PTPN23: variants seen among roughly 807,000 people sequenced by gnomAD.
PTPN23 encodes the protein tyrosine-protein phosphatase non-receptor type 23.
In PTPN23, 72 loss-of-function variants were observed where a neutral mutation model predicts 156.3. The ratio of observed to expected loss-of-function variants is 0.46; its 90% CI spans 0.38 to 0.56. The LOEUF (loss-of-function observed/expected upper bound fraction) is 0.56, where lower values mean the gene tolerates loss of function less well. Among genes scored for constraint, PTPN23 ranks in the 20% least tolerant of loss-of-function variants. PTPN23 has a pLI of 0.00. For synonymous variants in PTPN23, 957 were observed against 899.6 expected (o/e 1.06, Z -1.14); for missense variants, 1,974 against 2,171.5 (o/e 0.91, Z 1.81).
intron 2 of PTPN23, among the ~76,000 whole-genome samples, chr3:47,400,186 GAA>G (rs1300209482): frequency 1.3e-5 from 2 of 152,238 alleles, no homozygotes; most frequent in Non-Finnish European, 2.9e-5. Context: ...ATCTTTCAGT[GAA>G]AAAGTTATTG....
Position 47,410,241 on chromosome 3 carries a change from G to A in PTPN23, c.2443G>A (p.Val815Ile), listed in dbSNP as rs781750526. Residue 815 changes from valine (V) to isoleucine (I), a missense_variant, in exon 20 of 25, where the codon GTA becomes ATA. Val to Ile is a conservative substitution (Grantham distance 29, BLOSUM62 3). This residue lies in a region of PTPN23 where 731 missense variants were observed against 669.1 expected (regional missense o/e 1.09). Transcript: ENST00000265562. ...PRAPGPHAMP[V>I]APGPALYPAP... ...GGCCCCAGGGCCCCATGCAATGCCC[G>A]TAGCACCTGGGCCTGCCCTCTACCC... The A allele has an allele frequency of 4.6e-5, 74 of 1,610,766 alleles. No individual in the cohort carries two copies. The highest frequency in any genetic ancestry group is 3.4e-4 in the Admixed American group (20 of 59,634).
chr3:47,408,495 G>A lies in PTPN23; in HGVS notation c.1330+5G>A, dbSNP rs746359544. 6.2e-7 allele frequency: 1 copy of A among 1,607,598 alleles called. No homozygotes were observed. The highest frequency in any genetic ancestry group is 8.5e-7 in the Non-Finnish European group (1 of 1,175,162). On this transcript the variant is annotated splice_donor_5th_base_variant and intron_variant, in intron 15 of 24. Coordinates refer to ENST00000265562, the MANE Select transcript of PTPN23 (RefSeq NM_015466.4). ...ACCTTGTACAGTCCATGCAAGGTGAGTAAGGGGCAGAGCAAGCAGGTGGAA... is the reference window on the plus strand; with the variant it reads ...ACCTTGTACAGTCCATGCAAGGTGAATAAGGGGCAGAGCAAGCAGGTGGAA...
chr3:47,396,335 G>A, intron 2 of PTPN23, 118 bp downstream of exon 2: 1 of 722,876 alleles, frequency 1.4e-6, no homozygotes, highest in Non-Finnish European at 2.2e-6. Context: ...ACCACTTTGG[G>A]AGGCCGAGGT....
rs35817505 is a variant in PTPN23, at chr3:47,388,664, CT to C, written c.85-7461del. 4.7e-3 allele frequency among the ~76,000 whole-genome samples: 598 copies of C among 126,958 alleles called. 5 individuals carry two copies. Among genetic ancestry groups the C allele is most frequent in the African/African-American group, 0.013 (468 of 34,718 alleles). The allele number at this position is 126,958 out of a possible 152,430, so 83.3% of individuals were successfully genotyped here. A position where few individuals can be genotyped will look rare whatever the true frequency, so the allele number is the denominator to read the frequency against. ...CCCTGTTTTGCTGTCACTACTAGATCTTTTTTTTTTTTTTTTTTGAGACAGA... is the reference window on the plus strand; with the variant it reads ...CCCTGTTTTGCTGTCACTACTAGATCTTTTTTTTTTTTTTTTTGAGACAGA... On this transcript the variant is annotated intron_variant, in intron 1 of 24. Coordinates refer to ENST00000265562, the MANE Select transcript of PTPN23 (RefSeq NM_015466.4).
At position 47,406,627 on chromosome 3, in the gene PTPN23, C is replaced by T. The variant is rs774617645; in HGVS notation, c.759+15C>T. 1 of 1,613,728 alleles carries T rather than the reference C, an allele frequency of 6.2e-7. No homozygotes were observed. The highest frequency in any genetic ancestry group is 1.1e-5 in the South Asian group (1 of 91,080). On this transcript the variant is annotated intron_variant, in intron 8 of 24. Transcript: ENST00000265562. The surrounding 1 kb of genome is among the most constrained non-coding windows in gnomAD (Gnocchi z 5.8). ...CCGTGGCTCATGTGAGGGCCTGGGG[C>T]CCCAGGGCGGGGCAGGGCGGGGCTG...
rs776816987 is a variant in PTPN23, at chr3:47,406,536, C to T, written c.683C>T (p.Ser228Leu). 3 of 1,614,030 alleles carry T rather than the reference C, an allele frequency of 1.9e-6. No individual in the cohort carries two copies. The South Asian group carries it at 3.3e-5, about 18-fold the overall frequency. The change falls in exon 8 of 25, where the codon TCA becomes TTA. Residue 228 changes from serine (S) to leucine (L), a missense_variant. Physicochemically the swap from Ser to Leu is moderately radical, Grantham distance 145. This residue lies in a region of PTPN23 where 726 missense variants were observed against 929.5 expected (regional missense o/e 0.78). Coordinates refer to ENST00000265562, the MANE Select transcript of PTPN23 (RefSeq NM_015466.4). This position sits in a 1 kb window ranked among gnomAD's most constrained non-coding sequence, Gnocchi z 5.8. The stretch of plus-strand genomic sequence containing the variant: ...GCCTTGGAGAACCCCGACACTGCCT[C>T]ACTGCTGGGCCGGATCCAGAAGGAC... ...CRALENPDTA[S>L]LLGRIQKDWK...
chr3:47,389,805 C>T (rs1364690543), intron 1 of PTPN23, among the ~76,000 whole-genome samples: 1 of 143,252 alleles, frequency 7.0e-6, no homozygotes, highest in Non-Finnish European at 1.5e-5. Context: ...GGCACCACTG[C>T]ACTCCAGCCT....
chr3:47,407,611 A>G lies in PTPN23; in HGVS notation c.1003+27A>G. 6.2e-7 allele frequency: 1 copy of G among 1,605,678 alleles called. No homozygotes were observed. The highest frequency in any genetic ancestry group is 8.5e-7 in the Non-Finnish European group (1 of 1,172,466). ...TCGGGGAGCTGAGAGGTGGGGGCAG[A>G]GGTGACGGTGGGGTGGGGACAGGAC... On this transcript the variant is annotated intron_variant, in intron 12 of 24. Coordinates refer to ENST00000265562, the MANE Select transcript of PTPN23 (RefSeq NM_015466.4). This position sits in a 1 kb window ranked among gnomAD's most constrained non-coding sequence, Gnocchi z 4.0.
chr3:47,395,813 C>G (rs1704866549), intron 1 of PTPN23, among the ~76,000 whole-genome samples: 1 of 152,156 alleles, frequency 6.6e-6, no homozygotes, highest in African/African-American at 2.4e-5. Context: ...TCTAGGGAGG[C>G]TTGAGTTCGT....
Position 47,412,942 on chromosome 3 carries a change from C to G in PTPN23, c.4668C>G (p.Pro1556=). The change falls in exon 25 of 25, where the codon CCC becomes CCG. Residue 1556 remains proline (P), a synonymous_variant. Transcript: ENST00000265562. The part of the protein sequence containing the change: ...PPLSSPLPEA[P]QPKEEPPVPE... ...TTTCCTCCCCACTACCTGAGGCTCCCCAGCCTAAGGAGGAGCCGCCAGTGC... is the reference window on the plus strand; with the variant it reads ...TTTCCTCCCCACTACCTGAGGCTCCGCAGCCTAAGGAGGAGCCGCCAGTGC... 1 of 1,605,902 alleles carries G rather than the reference C, an allele frequency of 6.2e-7. No individual in the cohort carries two copies. Among genetic ancestry groups the G allele is most frequent in the South Asian group, 1.1e-5 (1 of 90,496 alleles).
At position 47,413,155 on chromosome 3, in the gene PTPN23, G is replaced by A. The variant is rs2107730693; in HGVS notation, c.4881G>A (p.Leu1627=). The part of the protein sequence containing the change: ...TRPSDDPLSL[L]DPLWTLNKT ...CCTCTGACGACCCCCTCAGCCTTCT[G>A]GATCCACTCTGGACACTCAACAAGA... Residue 1627 remains leucine, a synonymous_variant, in exon 25 of 25, where the codon CTG becomes CTA. Coordinates refer to ENST00000265562, the MANE Select transcript of PTPN23 (RefSeq NM_015466.4). 6.2e-7 allele frequency: 1 copy of A among 1,612,562 alleles called. No homozygotes were observed. The highest frequency in any genetic ancestry group is 2.2e-5 in the East Asian group (1 of 44,878).
chr3:47,409,081 T>C lies in PTPN23; in HGVS notation c.1636T>C (p.Ser546Pro). 6.2e-7 allele frequency: 1 copy of C among 1,610,846 alleles called. No homozygotes were observed. The highest frequency in any genetic ancestry group is 2.2e-5 in the East Asian group (1 of 44,828). The change falls in exon 16 of 25, where the codon TCC becomes CCC. Residue 546 changes from serine (S) to proline (P), a missense_variant. Transcript: ENST00000265562. ...VRAALPTPAL[S>P]PEDKAVLQNL... Reference sequence around the variant, plus strand: ...GGCTGCCCTGCCCACACCGGCCCTCTCCCCAGGTGAGCCCCACCAGACCCC... The same window carrying C: ...GGCTGCCCTGCCCACACCGGCCCTCCCCCCAGGTGAGCCCCACCAGACCCC...
chr3:47,387,331 C>T (rs1333168079), intron 1 of PTPN23, among the ~76,000 whole-genome samples: 1 of 149,360 alleles, frequency 6.7e-6, no homozygotes, highest in East Asian at 2.0e-4. Flanking sequence ...CTTTGGGAGG[C>T]CAAGGCAGGA....
rs1038352667 is a variant in PTPN23 at position 47,405,407 on chromosome 3, A to T, written c.364+326A>T. The stretch of plus-strand genomic sequence containing the variant: ...TTTGGGCTGCTTCAGGCAGGAGGAG[A>T]GTGTGGCTGGCCTCAGCTTACCCTG... On this transcript the variant is annotated intron_variant, in intron 4 of 24. Transcript: ENST00000265562. The surrounding 1 kb of genome is among the most constrained non-coding windows in gnomAD (Gnocchi z 4.7). 4 of 530,634 alleles carry T rather than the reference A, an allele frequency of 7.5e-6. No homozygotes were observed. Among genetic ancestry groups the T allele is most frequent in the African/African-American group, 5.7e-5 (3 of 52,456 alleles). 32.9% of individuals were successfully genotyped at this position (530,634 alleles called of 1,614,324 possible). A position where few individuals can be genotyped will look rare whatever the true frequency, so the allele number is the denominator to read the frequency against.
chr3:47,384,494 T>C lies in PTPN23; in HGVS notation c.84+3314T>C, dbSNP rs564016002. On this transcript the variant is annotated intron_variant, in intron 1 of 24. Coordinates refer to ENST00000265562, the MANE Select transcript of PTPN23 (RefSeq NM_015466.4). ...AAAAAAAGAGTAGAAGTATTTGCAG[T>C]GTATAGAAATACCAGCCTGAGGAGG... Among the ~76,000 whole-genome samples the C allele has an allele frequency of 2.0e-5, 3 of 146,570 alleles. No homozygotes were observed. In the East Asian group the frequency reaches 5.9e-4, roughly 29 times the overall value.
Position 47,410,283 on chromosome 3 carries a change from C to T in PTPN23, c.2485C>T (p.Pro829Ser), listed in dbSNP as rs1363197975. The T allele has an allele frequency of 6.2e-7, 1 of 1,607,408 alleles. No homozygotes were observed. The highest frequency in any genetic ancestry group is 8.5e-7 in the Non-Finnish European group (1 of 1,176,782). Residue 829 changes from proline to serine, a missense_variant, in exon 20 of 25, where the codon CCG becomes TCG. Pro to Ser is a moderately conservative substitution (Grantham distance 74). This residue lies in a region of PTPN23 where 731 missense variants were observed against 669.1 expected (regional missense o/e 1.09). Coordinates refer to ENST00000265562, the MANE Select transcript of PTPN23 (RefSeq NM_015466.4). The part of the protein sequence containing the change: ...PALYPAPAYT[P>S]ELGLVPRSSP... The stretch of plus-strand genomic sequence containing the variant: ...CCTCTACCCAGCCCCTGCCTACACA[C>T]CGGAGCTGGGCCTTGTGCCCCGATC...
intron 2 of PTPN23, 171 bp downstream of exon 2, chr3:47,396,388 A>G: frequency 2.4e-6 from 1 of 422,372 alleles, no homozygotes; most frequent in Non-Finnish European, 4.4e-6. Flanking sequence ...CAGCCTGGCC[A>G]ACATGGTGAA....
intron 1 of PTPN23, among the ~76,000 whole-genome samples, chr3:47,381,806 G>T (rs942687735): frequency 6.6e-6 from 1 of 152,168 alleles, no homozygotes; most frequent in Non-Finnish European, 1.5e-5. Context: ...TTTCGTAACC[G>T]ACTGGAGGGC....
At position 47,407,462 on chromosome 3, in the gene PTPN23, T is replaced by C; in HGVS notation, c.924-43T>C. On this transcript the variant is annotated intron_variant, in intron 11 of 24. Transcript: ENST00000265562. This position sits in a 1 kb window ranked among gnomAD's most constrained non-coding sequence, Gnocchi z 4.0. ...TGGGAAGTAGGTTCTGGATCCCCAC[T>C]GACACCCCGTGACTGCCCACTCCCC... 1 of 1,607,278 alleles carries C rather than the reference T, an allele frequency of 6.2e-7. No individual in the cohort carries two copies. Among genetic ancestry groups the C allele is most frequent in the Non-Finnish European group, 8.5e-7 (1 of 1,173,890 alleles).
Sources: allele counts gnomAD v4.1 joint callset (sites outside exome capture counted in the v4.1 genomes callset), GRCh38; gene constraint gnomAD v4.1.1; regional missense constraint gnomAD v4.1.1; non-coding constraint Gnocchi (gnomAD v3.1); transcripts MANE v1.5; gene names NCBI Gene and HGNC (gene_info 2026-07-23, HGNC 2026-07-21).